Variants in CCDC102B observed in about 807,000 individuals in gnomAD.
CCDC102B encodes coiled-coil domain-containing protein 102B.
A neutral mutation model predicts 57.4 loss-of-function variants in CCDC102B; 75 were observed. The observed-to-expected ratio is 1.31, with a 90% CI of 1.08 to 1.58. The LOEUF is 1.58. Ranked by LOEUF, CCDC102B falls within the 40% of genes most tolerant of loss-of-function variation. The pLI, the probability that CCDC102B is intolerant of heterozygous loss-of-function variation, is 0.00. For missense variants in CCDC102B, 636 were observed against 582.6 expected, an observed-to-expected ratio of 1.09 and a Z score of -0.94; for synonymous variants, 206 against 201.9, an observed-to-expected ratio of 1.02 and a Z score of -0.17.
At chr18:68,967,549 A>G (rs1348210572) in intron 6 of CCDC102B, among the ~76,000 whole-genome samples, 1 of 152,190 alleles carries the variant, frequency 6.6e-6, no homozygotes, top group East Asian at 1.9e-4. Context: ...TTGTTTGATT[A>G]CAATACATGT....
At chr18:68,718,707 T>C (rs1221861473) in intron 2 of CCDC102B, among the ~76,000 whole-genome samples, 1 of 152,232 alleles carries the variant, frequency 6.6e-6, no homozygotes, top group African/African-American at 2.4e-5. Flanking sequence ...AAGCATCAGT[T>C]GCCTGGAGAG....
At chr18:68,749,060 A>C (rs1384026329) in intron 2 of CCDC102B, among the ~76,000 whole-genome samples, 1 of 152,116 alleles carries the variant, frequency 6.6e-6, no homozygotes, top group Non-Finnish European at 1.5e-5. Flanking sequence ...TGTTTTTGTC[A>C]GATTTGTCAA....
chr18:68,957,994 G>T (rs528851253), intron 6 of CCDC102B, among the ~76,000 whole-genome samples: 1 of 152,280 alleles, frequency 6.6e-6, no homozygotes, highest in African/African-American at 2.4e-5. Flanking sequence ...GAGGTTTAAT[G>T]GACTTACAGT....
chr18:68,833,496 A>G (rs910046881), intron 1 of CCDC102B, among the ~76,000 whole-genome samples: 1 of 151,824 alleles, frequency 6.6e-6, no homozygotes. Flanking sequence ...AATGACTTGT[A>G]TAACAGAGAA....
chr18:68,866,833 C>G (rs2039006726), intron 4 of CCDC102B: 1 of 694,358 alleles, frequency 1.4e-6, no homozygotes, highest in Non-Finnish European at 2.7e-6. Context: ...TGTGAAGTCC[C>G]TGTGTCTGGG....
chr18:68,723,215 T>TA (rs2032435976), intron 2 of CCDC102B, among the ~76,000 whole-genome samples: 1 of 152,108 alleles, frequency 6.6e-6, no homozygotes, highest in Admixed American at 6.5e-5. Context: ...CCCCCATGAT[T>TA]AAACTATCTT....
intron 2 of CCDC102B, chr18:68,721,142 A>G (rs1287101411): frequency 6.6e-6 from 1 of 152,258 alleles, no homozygotes; most frequent in Non-Finnish European, 1.5e-5. Flanking sequence ...ACTCCTGATC[A>G]GTCATTTGTT....
chr18:68,861,260 T>A (rs1405199980), intron 4 of CCDC102B, among the ~76,000 whole-genome samples: 1 of 151,328 alleles, frequency 6.6e-6, no homozygotes, highest in Non-Finnish European at 1.5e-5. Flanking sequence ...CCGTGCTTAT[T>A]TTATCACTTG....
In CCDC102B at chr18:68,733,607, AC is replaced by A. The variant is rs1245510616; in HGVS notation, c.-67+17016del. On this transcript the variant is annotated intron_variant, in intron 2 of 3. Coordinates refer to the CCDC102B transcript ENST00000578970. ...ATTTCATAGTGTTTTATTGCAATAA[AC>A]CCTTATATCAATCAACCTCACGTGT... Among the ~76,000 whole-genome samples the A allele has an allele frequency of 6.6e-5, 10 of 151,326 alleles. No homozygotes were observed. In the East Asian group the frequency reaches 1.9e-3, roughly 29 times the overall value.
intron 2 of CCDC102B, among the ~76,000 whole-genome samples, chr18:68,788,949 A>AT (rs1403145029): frequency 2.0e-5 from 3 of 152,046 alleles, no homozygotes; most frequent in African/African-American, 4.8e-5. Flanking sequence ...TTTTGGCATG[A>AT]TTTTGCAGCG....
chr18:68,991,373 TC>T (rs2050863434), intron 6 of CCDC102B, among the ~76,000 whole-genome samples: 1 of 152,224 alleles, frequency 6.6e-6, no homozygotes. Flanking sequence ...AAAAGCATTT[TC>T]CCTGAACATT....
intron 2 of CCDC102B, among the ~76,000 whole-genome samples, chr18:68,790,114 T>C (rs1333411068): frequency 6.7e-6 from 1 of 149,284 alleles, no homozygotes; most frequent in African/African-American, 2.5e-5. Context: ...CTGCCCCTGC[T>C]GGGGGGTGCC....
intron 4 of CCDC102B, 109 bp downstream of exon 4, chr18:68,846,530 A>G (rs1961334156): frequency 1.5e-5 from 9 of 607,254 alleles, no homozygotes; most frequent in Non-Finnish European, 2.2e-5. Context: ...AGGGAGGTTA[A>G]AAATTGGAAT....
chr18:68,813,816 A>G (rs185314347), intron 1 of CCDC102B, among the ~76,000 whole-genome samples: 108 of 150,156 alleles, frequency 7.2e-4, no homozygotes, highest in African/African-American at 2.6e-3. Context: ...AGTGTAGAAC[A>G]CTTTTGAAAG....
chr18:68,931,419 T>C (rs1395114153), intron 6 of CCDC102B, among the ~76,000 whole-genome samples: 2 of 151,870 alleles, frequency 1.3e-5, no homozygotes, highest in African/African-American at 2.4e-5. Flanking sequence ...ACACCTTCCA[T>C]GTTGTAGTTT....
intron 7 of CCDC102B, among the ~76,000 whole-genome samples, chr18:69,035,922 G>A (rs1477357491): frequency 6.6e-6 from 1 of 152,040 alleles, no homozygotes; most frequent in Non-Finnish European, 1.5e-5. Context: ...CAAATTCCAA[G>A]CTGGATAGAT....
rs114326706 is a variant in CCDC102B at position 68,744,166 on chromosome 18, G to A, written c.-67+27572G>A. Among the ~76,000 whole-genome samples the A allele has an allele frequency of 1.5e-3, 233 of 152,260 alleles. 2 individuals are homozygous for A. The highest frequency in any genetic ancestry group is 5.4e-3 in the African/African-American group (225 of 41,564). ...CTTATTGTAATTCAGTTTCACTGAG[G>A]ATCTTCTGATATGCTCTGTTGAAAT... On this transcript the variant is annotated intron_variant, in intron 2 of 3. Coordinates refer to the CCDC102B transcript ENST00000578970.
chr18:68,920,673 A>G (rs529470846), intron 6 of CCDC102B, among the ~76,000 whole-genome samples: 4 of 152,254 alleles, frequency 2.6e-5, no homozygotes, highest in South Asian at 4.1e-4. Flanking sequence ...GCCTCAGGAA[A>G]CTTACAATCA....
chr18:68,767,622 C>A (rs539697932), intron 2 of CCDC102B, among the ~76,000 whole-genome samples: 4 of 152,316 alleles, frequency 2.6e-5, no homozygotes, highest in Non-Finnish European at 1.5e-5. Flanking sequence ...TGCAAACGAT[C>A]TTTACTATGA....
Sources: allele counts gnomAD v4.1 joint callset (sites outside exome capture counted in the v4.1 genomes callset), GRCh38; gene constraint gnomAD v4.1.1; transcripts MANE v1.5; gene names NCBI Gene and HGNC (gene_info 2026-07-23, HGNC 2026-07-21).